The following BCKDHB variants were observed in gnomAD, a reference collection of about 807,000 sequenced individuals.
BCKDHB encodes the protein branched chain keto acid dehydrogenase E1 subunit beta, also known as 2-oxoisovalerate dehydrogenase subunit beta, mitochondrial.
Under a neutral mutation model 48.5 loss-of-function variants are expected in BCKDHB, and 41 were observed. The ratio of observed to expected loss-of-function variants is 0.85; its 90% confidence interval spans 0.66 to 1.10. The LOEUF (loss-of-function observed/expected upper bound fraction) is 1.10. Ranked by LOEUF, BCKDHB falls within the 50% of genes least tolerant of loss-of-function variation. The pLI is 0.00. For synonymous variants in BCKDHB, 201 were observed against 174.8 expected (o/e 1.15, Z -1.18); for missense variants, 496 against 494.2 (o/e 1.00, Z -0.03).
chr6:80,277,658 G>GTTTTTTTTTTTTT (rs35644465), intron 9 of BCKDHB, among the ~76,000 whole-genome samples: 1 of 138,570 alleles, frequency 7.2e-6, no homozygotes, highest in Non-Finnish European at 1.6e-5. Flanking sequence ...TAAGATTTGA[G>GTTTTTTTTTTTTT]TTTTTTTTTT....
chr6:80,447,405 A>G, the BCKDHB span, among the ~76,000 whole-genome samples: 1 of 151,414 alleles, frequency 6.6e-6, no homozygotes, highest in East Asian at 1.9e-4. Flanking sequence ...AATAAACTGC[A>G]CGTTAGAGGT....
intron 3 of BCKDHB, among the ~76,000 whole-genome samples, chr6:80,143,574 A>G (rs1305208071): frequency 6.6e-6 from 1 of 152,164 alleles, no homozygotes; most frequent in Non-Finnish European, 1.5e-5. Flanking sequence ...CCCATTTAAC[A>G]TAGATGAGAT....
chr6:80,114,416 T>G (rs1291383125), intron 1 of BCKDHB, among the ~76,000 whole-genome samples: 1 of 151,256 alleles, frequency 6.6e-6, no homozygotes, highest in African/African-American at 2.4e-5. Context: ...CCTGGCTAAT[T>G]TTTTGTAGTT....
At chr6:80,366,542 G>C in the BCKDHB span, among the ~76,000 whole-genome samples, 4 of 152,266 alleles carry the variant, frequency 2.6e-5, no homozygotes, top group African/African-American at 9.6e-5. Context: ...GTGATAATGT[G>C]TTATGCATAA....
chr6:80,146,750 A>G (rs929908488), intron 3 of BCKDHB, among the ~76,000 whole-genome samples: 2 of 152,142 alleles, frequency 1.3e-5, no homozygotes, highest in Non-Finnish European at 2.9e-5. Flanking sequence ...TAGAATAGGG[A>G]GAATTGGTTG....
At chr6:80,144,291 A>G (rs1771364457) in intron 3 of BCKDHB, among the ~76,000 whole-genome samples, 1 of 152,190 alleles carries the variant, frequency 6.6e-6, no homozygotes, top group South Asian at 2.1e-4. Context: ...AAGGCAACTT[A>G]GGTATTTGCA....
chr6:80,220,794 G>A (rs1157301601), intron 8 of BCKDHB, among the ~76,000 whole-genome samples: 1 of 149,224 alleles, frequency 6.7e-6, no homozygotes, highest in Non-Finnish European at 1.5e-5. Flanking sequence ...GAGTGCAGTG[G>A]CAAAATCTCT....
At chr6:80,326,064 A>G (rs1769016893) in intron 9 of BCKDHB, among the ~76,000 whole-genome samples, 1 of 152,226 alleles carries the variant, frequency 6.6e-6, no homozygotes, top group Non-Finnish European at 1.5e-5. Flanking sequence ...CTGGTTCATT[A>G]ATTGTGACAA....
chr6:80,159,237 A>G (rs1432491845), intron 3 of BCKDHB, among the ~76,000 whole-genome samples: 2 of 152,150 alleles, frequency 1.3e-5, no homozygotes, highest in South Asian at 2.1e-4. Flanking sequence ...ACATGTATAC[A>G]TATGTAACAA....
intron 1 of BCKDHB, among the ~76,000 whole-genome samples, chr6:80,109,813 A>G (rs1307058406): frequency 6.6e-6 from 1 of 152,186 alleles, no homozygotes; most frequent in Non-Finnish European, 1.5e-5. Context: ...TCCTCACAGT[A>G]ACCTTGTGAA....
At chr6:80,207,109 G>A (rs990624332) in intron 8 of BCKDHB, among the ~76,000 whole-genome samples, 2 of 151,918 alleles carry the variant, frequency 1.3e-5, no homozygotes, top group African/African-American at 2.4e-5. Context: ...TTTGGCAGAA[G>A]GAAAATGATT....
the BCKDHB span, among the ~76,000 whole-genome samples, chr6:80,365,550 C>T: frequency 6.6e-6 from 1 of 152,106 alleles, no homozygotes; most frequent in Non-Finnish European, 1.5e-5. Flanking sequence ...CTCTTTTTGC[C>T]TGACCCCTCA....
chr6:80,415,485 T>G, the BCKDHB span, among the ~76,000 whole-genome samples: 3 of 152,154 alleles, frequency 2.0e-5, no homozygotes, highest in South Asian at 6.2e-4. Context: ...CATGAAGGGG[T>G]GTTGAATTTT....
chr6:80,122,961 TC>T (rs1199900140), intron 1 of BCKDHB, among the ~76,000 whole-genome samples: 4 of 134,244 alleles, frequency 3.0e-5, no homozygotes, highest in South Asian at 2.7e-4. Context: ...TTATAGGCCT[TC>T]CCCCCCTCCC....
intron 6 of BCKDHB, among the ~76,000 whole-genome samples, chr6:80,193,484 C>T (rs564560303): frequency 3.3e-5 from 5 of 152,036 alleles, no homozygotes; most frequent in Admixed American, 6.5e-5. Flanking sequence ...TTTGGGAGGC[C>T]GAGGCTGACG....
At chr6:80,318,799 C>T (rs1254760662) in intron 9 of BCKDHB, among the ~76,000 whole-genome samples, 1 of 150,872 alleles carries the variant, frequency 6.6e-6, no homozygotes, top group Non-Finnish European at 1.5e-5. Context: ...CAATCATTTA[C>T]ATCATATTAT....
the BCKDHB span, among the ~76,000 whole-genome samples, chr6:80,388,031 G>A: frequency 6.6e-6 from 1 of 152,224 alleles, no homozygotes; most frequent in Non-Finnish European, 1.5e-5. Context: ...CTAAGGTGAA[G>A]CATAAGTTAC....
At chr6:80,259,512 A>G (rs1052898849) in intron 8 of BCKDHB, among the ~76,000 whole-genome samples, 8 of 152,214 alleles carry the variant, frequency 5.3e-5, no homozygotes, top group African/African-American at 1.9e-4. Flanking sequence ...AAATGTGTGA[A>G]AAGGGTGCAT....
At chr6:80,185,467 G>A (rs1261352412) in intron 6 of BCKDHB, among the ~76,000 whole-genome samples, 1 of 152,058 alleles carries the variant, frequency 6.6e-6, no homozygotes, top group African/African-American at 2.4e-5. Context: ...TGGAGAGCGA[G>A]TGTGATCTTT....
Sources: gnomAD v4.1 joint callset for allele counts (sites outside exome capture counted in the v4.1 genomes callset) on GRCh38, gnomAD v4.1.1 for gene constraint, MANE v1.5 for transcripts, NCBI Gene and HGNC (gene_info 2026-07-23, HGNC 2026-07-21) for gene names.